The following PTPRB variants were observed in gnomAD, a reference collection of about 807,000 sequenced individuals.
PTPRB encodes protein tyrosine phosphatase receptor type B, also known as receptor-type tyrosine-protein phosphatase beta.
In PTPRB, 97 loss-of-function variants were observed where a neutral mutation model predicts 238.1. The ratio of observed to expected loss-of-function variants is 0.41; its 90% CI spans 0.35 to 0.48. PTPRB has a LOEUF of 0.48. Among genes scored for constraint, PTPRB ranks in the 20% least tolerant of loss-of-function variants. The probability of loss-of-function intolerance (pLI) is 0.30; values close to 1 mark genes in which losing one functional copy is unlikely to be tolerated. For synonymous variants in PTPRB, 970 were observed against 995.4 expected, an observed-to-expected ratio of 0.97 and a Z score of 0.48; for missense variants, 2,292 against 2,681.9, an observed-to-expected ratio of 0.85 and a Z score of 3.21.
chr12:70,554,324 A>G (rs1220054533), intron 20 of PTPRB, among the ~76,000 whole-genome samples: 1 of 152,232 alleles, frequency 6.6e-6, no homozygotes, highest in Non-Finnish European at 1.5e-5. Flanking sequence ...AGCACCTTAA[A>G]CAGTATAAAA....
At chr12:70,578,921 T>C (rs963225119) in intron 10 of PTPRB, among the ~76,000 whole-genome samples, 1 of 152,112 alleles carries the variant, frequency 6.6e-6, no homozygotes, top group African/African-American at 2.4e-5. Flanking sequence ...GGAAGTGAAA[T>C]GCCTACTCCC....
intron 3 of PTPRB, among the ~76,000 whole-genome samples, chr12:70,611,771 T>C (rs1884464043): frequency 3.3e-5 from 5 of 152,204 alleles, no homozygotes. Flanking sequence ...CATCTGTGTA[T>C]TTCTGGGAAC....
rs724159879 is a variant in PTPRB at position 70,538,945 on chromosome 12, G to T, written c.5848C>A (p.Arg1950=). 6.2e-7 allele frequency: 1 copy of T among 1,613,310 alleles called. No individual in the cohort carries two copies. Among genetic ancestry groups the T allele is most frequent in the Middle Eastern group, 1.6e-4 (1 of 6,062 alleles). ...ALLPENRGKN[R]YNNILPYDAT... ...TTACAGGGCAATATATTGTTGTATC[G>T]ATTTTTCCCTCTATTCTCCGGCAAG... is the stretch of plus-strand genomic sequence containing the variant. Residue 1950 remains arginine, a synonymous_variant, in exon 27 of 34, where the codon CGA becomes AGA. Transcript: ENST00000334414.
chr12:70,564,369 G>A (rs2584025), intron 15 of PTPRB, among the ~76,000 whole-genome samples: 99,924 of 151,434 alleles, frequency 0.66, 33,499 homozygotes, highest in African/African-American at 0.8. Context: ...AAAATTAGCC[G>A]GGTGTAGTGG....
chr12:70,524,046 C>T (rs1871979834), intron 33 of PTPRB, among the ~76,000 whole-genome samples: 1 of 151,978 alleles, frequency 6.6e-6, no homozygotes, highest in South Asian at 2.1e-4. Context: ...GATCTGCCCG[C>T]CTTGGCCTCC....
intron 3 of PTPRB, among the ~76,000 whole-genome samples, chr12:70,621,382 G>A (rs536146385): frequency 6.6e-6 from 1 of 152,290 alleles, no homozygotes; most frequent in South Asian, 2.1e-4. Flanking sequence ...TTTTGTTAAT[G>A]AACTGAGAGT....
chr12:70,554,975 TGCCC>T (rs1417648285), intron 20 of PTPRB, among the ~76,000 whole-genome samples, 181 bp downstream of exon 20: 2 of 152,242 alleles, frequency 1.3e-5, no homozygotes, highest in East Asian at 3.8e-4. Flanking sequence ...CAGGCTTTAT[TGCCC>T]AAAGAGCCTT....
intron 2 of PTPRB, among the ~76,000 whole-genome samples, chr12:70,625,726 ACTT>A (rs1305853980): frequency 6.6e-6 from 1 of 152,166 alleles, no homozygotes; most frequent in Non-Finnish European, 1.5e-5. Flanking sequence ...TGCAAGGAAA[ACTT>A]CTTATACAAT....
chr12:70,525,691 G>C (rs597806), intron 32 of PTPRB, among the ~76,000 whole-genome samples: 147,257 of 152,324 alleles, frequency 0.97, 71,220 homozygotes, highest in East Asian at 1. Context: ...CTTATACTCC[G>C]TGAGTTCTCT....
intron 32 of PTPRB, among the ~76,000 whole-genome samples, chr12:70,526,825 T>G (rs1457059279): frequency 6.6e-6 from 1 of 152,218 alleles, no homozygotes; most frequent in Non-Finnish European, 1.5e-5. Context: ...GTGAATGAAC[T>G]CTAGTGCATC....
intron 4 of PTPRB, among the ~76,000 whole-genome samples, chr12:70,600,560 A>G (rs974282639): frequency 2.0e-5 from 3 of 152,260 alleles, no homozygotes; most frequent in East Asian, 1.9e-4. Flanking sequence ...TAACAGCTAA[A>G]TCTAATTCTG....
intron 4 of PTPRB, among the ~76,000 whole-genome samples, chr12:70,608,038 A>C (rs1884110558): frequency 6.6e-6 from 1 of 152,196 alleles, no homozygotes; most frequent in Admixed American, 6.5e-5. Context: ...AAATTCTCTG[A>C]AACTGCTGCA....
chr12:70,569,306 G>A (rs903475184), intron 14 of PTPRB, among the ~76,000 whole-genome samples: 4 of 152,100 alleles, frequency 2.6e-5, no homozygotes, highest in Non-Finnish European at 4.4e-5. Flanking sequence ...GTTTAGCTAT[G>A]TTGCCCAGGC....
In PTPRB at chr12:70,576,538, A is replaced by G; in HGVS notation, c.2686T>C (p.Leu896=). Residue 896 remains leucine, a synonymous_variant, in exon 11 of 34, where the codon TTG becomes CTG. Coordinates refer to ENST00000334414, the MANE Select transcript of PTPRB (RefSeq NM_001109754.4). ...PGDVDNYEVT[L]SHDGKVVQSL... The stretch of plus-strand genomic sequence containing the variant: ...TGAACCACCTTGCCGTCATGAGACA[A>G]TGTTACCTCATAGTTATCCACATCT... 6.4e-7 allele frequency: 1 copy of G among 1,559,504 alleles called. No individual in the cohort carries two copies.
intron 11 of PTPRB, among the ~76,000 whole-genome samples, chr12:70,572,775 T>TAAAAAAAAAAAAA (rs10709963): frequency 4.9e-4 from 46 of 93,768 alleles, no homozygotes; most frequent in Admixed American, 7.7e-4. Context: ...CTCCATCTCA[T>TAAAAAAAAAAAAA]AAAAAAAAAA....
chr12:70,523,815 T>C (rs1871945757), intron 33 of PTPRB, among the ~76,000 whole-genome samples: 1 of 151,946 alleles, frequency 6.6e-6, no homozygotes, highest in African/African-American at 2.4e-5. Flanking sequence ...TCTCCTCTTC[T>C]TTTCTTTTCT....
In PTPRB at chr12:70,596,152, T is replaced by G. The variant is rs574290035; in HGVS notation, c.1155A>C (p.Glu385Asp). 1 of 1,613,720 alleles carries G rather than the reference T, an allele frequency of 6.2e-7. No individual in the cohort carries two copies. ...CAGCAGTGAGATTGAAAAAAGTGTA[T>G]TCATTCCATGAAGTACTTTCTTGAA... Reference protein sequence around the residue: ...VQIQESTSWNEYTFFNLTAGS... With the variant: ...VQIQESTSWNDYTFFNLTAGS... The change falls in exon 5 of 34, where the codon GAA becomes GAC. Residue 385 changes from glutamate to aspartate, a missense_variant. Around this residue, in one of 4 missense-constraint regions of PTPRB, gnomAD observed 1,205 missense variants for 1,287.8 expected, o/e 0.94. Transcript: ENST00000334414.
Position 70,521,449 on chromosome 12 carries a change from C to T in PTPRB, c.*40G>A. ...AGCAAGTTTTTAAAAACAAATCACACAGTGAATAATTTTTATCCAGGAGCT... is the reference window on the plus strand; with the variant it reads ...AGCAAGTTTTTAAAAACAAATCACATAGTGAATAATTTTTATCCAGGAGCT... On this transcript the variant is annotated 3_prime_UTR_variant, in exon 34 of 34. Coordinates refer to ENST00000334414, the MANE Select transcript of PTPRB (RefSeq NM_001109754.4). 1.3e-6 allele frequency: 2 copies of T among 1,505,272 alleles called. No individual in the cohort carries two copies. The highest frequency in any genetic ancestry group is 1.4e-5 in the African/African-American group (1 of 71,440). The allele number at this position is 1,505,272 out of a possible 1,614,324, so 93.2% of individuals were successfully genotyped here.
chr12:70,550,048 A>G (rs1434054940), intron 21 of PTPRB, among the ~76,000 whole-genome samples: 1 of 152,186 alleles, frequency 6.6e-6, no homozygotes, highest in East Asian at 1.9e-4. Flanking sequence ...TCTAGTAAAG[A>G]GGGCAGGTAA....
Sources: gnomAD v4.1 joint callset for allele counts (sites outside exome capture counted in the v4.1 genomes callset) on GRCh38, gnomAD v4.1.1 for gene constraint, gnomAD v4.1.1 regional missense constraint, MANE v1.5 for transcripts, NCBI Gene and HGNC (gene_info 2026-07-23, HGNC 2026-07-21) for gene names.